THSD7A: variants seen among roughly 807,000 people sequenced by gnomAD.
THSD7A encodes thrombospondin type 1 domain containing 7A.
In THSD7A, 96 loss-of-function variants were observed where a neutral mutation model predicts 231.3. The ratio of observed to expected loss-of-function variants is 0.41; its 90% CI spans 0.35 to 0.49. The LOEUF (loss-of-function observed/expected upper bound fraction) is 0.49, where lower values mean the gene tolerates loss of function less well. THSD7A is among the 20% of genes least tolerant of loss of function. THSD7A has a pLI of 0.05. For missense variants in THSD7A, 2,290 were observed against 2,070.2 expected, an observed-to-expected ratio of 1.11 and a Z score of -2.06; for synonymous variants, 940 against 743.3, an observed-to-expected ratio of 1.26 and a Z score of -4.30.
chr7:11,781,624 T>A (rs1468508834), intron 1 of THSD7A, among the ~76,000 whole-genome samples: 2 of 152,164 alleles, frequency 1.3e-5, no homozygotes, highest in Non-Finnish European at 2.9e-5. Context: ...AAAACCTGGG[T>A]TGGTCCTAAA....
Position 11,711,822 on chromosome 7 carries a change from A to C in THSD7A, c.191-74861T>G, listed in dbSNP as rs933258989. 2.0e-5 allele frequency among the ~76,000 whole-genome samples: 3 copies of C among 151,292 alleles called. No individual in the cohort carries two copies. The South Asian group carries it at 6.2e-4, about 31-fold the overall frequency. ...AGTTAGTCTGTAAACATCACAGTTG[A>C]GATAAGGACTGGTTACTTACCATCT... On this transcript the variant is annotated intron_variant, in intron 1 of 27. Coordinates refer to ENST00000423059, the MANE Select transcript of THSD7A (RefSeq NM_015204.3).
chr7:11,478,244 C>T lies in THSD7A; in HGVS notation c.2017+3544G>A, dbSNP rs916496091. 1.3e-5 allele frequency among the ~76,000 whole-genome samples: 2 copies of T among 152,350 alleles called. 1 individual carries two copies. The highest frequency in any genetic ancestry group is 4.8e-5 in the African/African-American group (2 of 41,580). ...TGACAGAAACACTCCTCAACTGTGT[C>T]TGGCTGTGACACCCCATACTGGGCT... is the stretch of plus-strand genomic sequence containing the variant. On this transcript the variant is annotated intron_variant, in intron 7 of 27. Coordinates refer to ENST00000423059, the MANE Select transcript of THSD7A (RefSeq NM_015204.3).
chr7:11,422,205 T>A (rs577099851), intron 16 of THSD7A, among the ~76,000 whole-genome samples: 1 of 152,274 alleles, frequency 6.6e-6, no homozygotes, highest in African/African-American at 2.4e-5. Flanking sequence ...GTGCTGGCAA[T>A]TCTAGAAAAA....
At chr7:11,445,971 A>C in intron 13 of THSD7A, 90 bp downstream of exon 13, 1 of 1,489,062 alleles carries the variant, frequency 6.7e-7, no homozygotes, top group Non-Finnish European at 9.3e-7. Context: ...TACGTCTGTA[A>C]ACCTTCACTT....
At chr7:11,501,073 G>A (rs1787317425) in intron 6 of THSD7A, among the ~76,000 whole-genome samples, 1 of 150,714 alleles carries the variant, frequency 6.6e-6, no homozygotes, top group Admixed American at 6.6e-5. Flanking sequence ...TCAATGAGAA[G>A]ACTTAGCTAT....
At chr7:11,458,796 T>G (rs1030172502) in intron 11 of THSD7A, among the ~76,000 whole-genome samples, 1 of 152,184 alleles carries the variant, frequency 6.6e-6, no homozygotes, top group Non-Finnish European at 1.5e-5. Flanking sequence ...AGGTTGCTGG[T>G]AATCACAGAC....
chr7:11,730,475 C>T (rs566000953), intron 1 of THSD7A, among the ~76,000 whole-genome samples: 104 of 151,364 alleles, frequency 6.9e-4, no homozygotes, highest in African/African-American at 1.5e-3. Context: ...GCGTTATTTA[C>T]GTAATGTATT....
intron 1 of THSD7A, among the ~76,000 whole-genome samples, chr7:11,641,817 T>G (rs1782093019): frequency 6.6e-6 from 1 of 152,036 alleles, no homozygotes; most frequent in Non-Finnish European, 1.5e-5. Flanking sequence ...AGGCTTTAAC[T>G]GCCCTTATCT....
chr7:11,702,120 A>G (rs1313704521), intron 1 of THSD7A, among the ~76,000 whole-genome samples: 1 of 151,176 alleles, frequency 6.6e-6, no homozygotes. Context: ...GTATGACTGT[A>G]TTTAGTTTTC....
intron 4 of THSD7A, among the ~76,000 whole-genome samples, chr7:11,546,179 T>C (rs1285370152): frequency 9.3e-6 from 1 of 106,956 alleles, no homozygotes; most frequent in Admixed American, 9.9e-5. Flanking sequence ...GTTGCTGCTC[T>C]GTTGTTGCTG....
chr7:11,623,168 T>G (rs1456736645), intron 2 of THSD7A, among the ~76,000 whole-genome samples: 1 of 152,148 alleles, frequency 6.6e-6, no homozygotes, highest in Non-Finnish European at 1.5e-5. Flanking sequence ...AAGCACCTGA[T>G]AGATGATCAC....
At chr7:11,550,529 T>C (rs1789584036) in intron 4 of THSD7A, among the ~76,000 whole-genome samples, 1 of 152,082 alleles carries the variant, frequency 6.6e-6, no homozygotes, top group Non-Finnish European at 1.5e-5. Flanking sequence ...TATCTGGTGG[T>C]TTCGAAGTGA....
intron 13 of THSD7A, among the ~76,000 whole-genome samples, chr7:11,429,413 A>G (rs1273695988): frequency 6.6e-6 from 1 of 152,200 alleles, no homozygotes; most frequent in South Asian, 2.1e-4. Flanking sequence ...AATTGACAAT[A>G]ACCTGTCTGC....
intron 4 of THSD7A, among the ~76,000 whole-genome samples, chr7:11,552,413 T>C (rs1429903421): frequency 6.6e-6 from 1 of 152,100 alleles, no homozygotes; most frequent in Admixed American, 6.6e-5. Context: ...GGCCGTTTTT[T>C]AAAAAATAAG....
chr7:11,424,693 T>C lies in THSD7A; in HGVS notation c.3383+3A>G, dbSNP rs754566044. On this transcript the variant is annotated splice_donor_region_variant and intron_variant, in intron 16 of 27. Coordinates refer to ENST00000423059, the MANE Select transcript of THSD7A (RefSeq NM_015204.3). ...TTTTCTGTATAATTAGGCTTTGTCTTACCTCACTTTTCGGGTTTGCACGCC... is the reference window on the plus strand; with the variant it reads ...TTTTCTGTATAATTAGGCTTTGTCTCACCTCACTTTTCGGGTTTGCACGCC... 1 of 1,613,930 alleles carries C rather than the reference T, an allele frequency of 6.2e-7. No individual in the cohort carries two copies. The highest frequency in any genetic ancestry group is 8.5e-7 in the Non-Finnish European group (1 of 1,179,864).
intron 4 of THSD7A, among the ~76,000 whole-genome samples, chr7:11,543,834 A>T (rs1789256225): frequency 6.6e-6 from 1 of 152,066 alleles, no homozygotes; most frequent in Non-Finnish European, 1.5e-5. Flanking sequence ...TTATGCCTGC[A>T]GTTTGGCTCT....
At position 11,680,002 on chromosome 7, in the gene THSD7A, A is replaced by G. The variant is rs371115924; in HGVS notation, c.191-43041T>C. On this transcript the variant is annotated intron_variant, in intron 1 of 27. Coordinates refer to ENST00000423059, the MANE Select transcript of THSD7A (RefSeq NM_015204.3). ...GGTACTGGTACCAAAACAGATATATAGACCAATGGAACGTAACAGAGGCCT... is the reference window on the plus strand; with the variant it reads ...GGTACTGGTACCAAAACAGATATATGGACCAATGGAACGTAACAGAGGCCT... Among the ~76,000 whole-genome samples the G allele has an allele frequency of 3.7e-4, 56 of 152,200 alleles. 1 individual carries two copies. In the East Asian group the frequency reaches 0.01, roughly 28 times the overall value.
At chr7:11,778,229 T>A (rs1783500493) in intron 1 of THSD7A, among the ~76,000 whole-genome samples, 1 of 150,550 alleles carries the variant, frequency 6.6e-6, no homozygotes, top group Non-Finnish European at 1.5e-5. Flanking sequence ...GGGTGTCAGG[T>A]TCTATGTTGG....
At chr7:11,559,627 C>A (rs1332670237) in intron 4 of THSD7A, among the ~76,000 whole-genome samples, 1 of 150,794 alleles carries the variant, frequency 6.6e-6, no homozygotes, top group Non-Finnish European at 1.5e-5. Flanking sequence ...TTAAGAAAGG[C>A]AAGAAAGGAG....
Sources: gnomAD v4.1 joint callset for allele counts (sites outside exome capture counted in the v4.1 genomes callset) on GRCh38, gnomAD v4.1.1 for gene constraint, MANE v1.5 for transcripts, NCBI Gene and HGNC (gene_info 2026-07-23, HGNC 2026-07-21) for gene names.